CDK15: variants seen among roughly 807,000 people sequenced by gnomAD.
CDK15 encodes the protein cyclin dependent kinase 15.
CDK15 carries 62 observed loss-of-function variants against 60.3 expected under a neutral mutation model. The ratio of observed to expected loss-of-function variants is 1.03; its 90% confidence interval spans 0.84 to 1.27. CDK15 has a LOEUF of 1.27. Ranked by LOEUF, CDK15 falls within the 50% of genes most tolerant of loss-of-function variation. The pLI, the probability that CDK15 is intolerant of heterozygous loss-of-function variation, is 0.00. For synonymous variants in CDK15, 194 were observed against 195.7 expected, an observed-to-expected ratio of 0.99 and a Z score of 0.07; for missense variants, 541 against 527.8, an observed-to-expected ratio of 1.03 and a Z score of -0.25.
chr2:201,867,462 G>GA (rs1244066542), intron 10 of CDK15, among the ~76,000 whole-genome samples: 3 of 152,094 alleles, frequency 2.0e-5, no homozygotes, highest in African/African-American at 7.2e-5. Context: ...CATCTCTACA[G>GA]AAAATTTTAA....
intron 8 of CDK15, among the ~76,000 whole-genome samples, chr2:201,844,784 C>T (rs906360976): frequency 6.6e-6 from 1 of 151,608 alleles, no homozygotes; most frequent in African/African-American, 2.4e-5. Flanking sequence ...AGTGAGATCC[C>T]ATCTCTATTA....
intron 11 of CDK15, among the ~76,000 whole-genome samples, chr2:201,873,524 G>A (rs1698944377): frequency 4.7e-5 from 7 of 150,482 alleles, no homozygotes; most frequent in Admixed American, 4.6e-4. Context: ...AATACTCCAT[G>A]CTGCTGCTGC....
rs1451626749 is a variant in CDK15 at position 201,854,929 on chromosome 2, A to G, written c.1001A>G (p.Tyr334Cys). ...TWPGVSKLPNYNPEWFPLPTP... is the reference protein window; with the variant it reads ...TWPGVSKLPNCNPEWFPLPTP... ...CCGGGAGTCTCCAAGCTACCTAACT[A>G]CAATCCAGGTAATATTGATCTGAGC... The change falls in exon 10 of 14, where the codon TAC (tyrosine) becomes TGC (cysteine). Residue 334 changes from tyrosine to cysteine, a missense_variant. Tyr to Cys is a radical substitution (Grantham distance 194). Transcript: ENST00000652192. 2 of 1,613,898 alleles carry G rather than the reference A, an allele frequency of 1.2e-6. No homozygotes were observed. The highest frequency in any genetic ancestry group is 1.3e-5 in the African/African-American group (1 of 75,042).
At chr2:201,818,519 A>G (rs1696084743) in intron 4 of CDK15, among the ~76,000 whole-genome samples, 1 of 152,198 alleles carries the variant, frequency 6.6e-6, no homozygotes, top group African/African-American at 2.4e-5. Context: ...AAATGTCCTT[A>G]AAATTAGAAG....
At chr2:201,859,274 A>C (rs1698282333) in intron 10 of CDK15, among the ~76,000 whole-genome samples, 1 of 152,188 alleles carries the variant, frequency 6.6e-6, no homozygotes. Flanking sequence ...ACTTAGAGCA[A>C]ATTGAATGTT....
At chr2:201,874,243 G>A (rs1314573489) in intron 11 of CDK15, among the ~76,000 whole-genome samples, 1 of 152,148 alleles carries the variant, frequency 6.6e-6, no homozygotes, top group Non-Finnish European at 1.5e-5. Context: ...CCACATTGGA[G>A]TAGTGACTAT....
chr2:201,866,790 A>G (rs375469084), intron 10 of CDK15, among the ~76,000 whole-genome samples: 14 of 152,286 alleles, frequency 9.2e-5, no homozygotes, highest in East Asian at 3.9e-4. Flanking sequence ...GGAAAAATCA[A>G]TGGGAGAGAG....
At chr2:201,835,570 A>AGATG in intron 7 of CDK15, 73 bp from the exon 8 acceptor site, 19 of 1,400,066 alleles carry the variant, frequency 1.4e-5, no homozygotes, top group Non-Finnish European at 1.7e-5. Context: ...AATGGTGTTT[A>AGATG]CCCTGGTCCA....
chr2:201,835,072 C>G (rs539647363), intron 7 of CDK15, among the ~76,000 whole-genome samples: 1 of 152,166 alleles, frequency 6.6e-6, no homozygotes, highest in Admixed American at 6.5e-5. Context: ...AGTGCCAAAA[C>G]GGAAGGTGGC....
At chr2:201,836,075 T>A (rs1559126223) in intron 8 of CDK15, among the ~76,000 whole-genome samples, 1 of 6,732 alleles carries the variant, frequency 1.5e-4, no homozygotes, top group South Asian at 9.1e-3. Context: ...TATTTATATT[T>A]ATATATATTT....
At chr2:201,857,435 G>T (rs535634912) in intron 10 of CDK15, among the ~76,000 whole-genome samples, 1 of 151,846 alleles carries the variant, frequency 6.6e-6, no homozygotes, top group South Asian at 2.1e-4. Flanking sequence ...AAATTTTCAG[G>T]TACCTACTAT....
chr2:201,856,031 T>A (rs577117159), intron 10 of CDK15, among the ~76,000 whole-genome samples: 1 of 152,264 alleles, frequency 6.6e-6, no homozygotes, highest in South Asian at 2.1e-4. Context: ...TTTCACCATG[T>A]TGGCCAGGCT....
intron 8 of CDK15, among the ~76,000 whole-genome samples, chr2:201,846,058 A>G (rs1017140653): frequency 2.6e-5 from 4 of 152,130 alleles, no homozygotes; most frequent in Non-Finnish European, 5.9e-5. Flanking sequence ...TCACTGTTTA[A>G]TCTATTTAAA....
chr2:201,813,545 T>A (rs569987759), intron 4 of CDK15, among the ~76,000 whole-genome samples: 1 of 152,336 alleles, frequency 6.6e-6, no homozygotes, highest in Admixed American at 6.5e-5. Flanking sequence ...TGCTGCTGGA[T>A]GCTGTGAAGG....
At chr2:201,873,662 T>C (rs1698949889) in intron 11 of CDK15, among the ~76,000 whole-genome samples, 1 of 152,220 alleles carries the variant, frequency 6.6e-6, no homozygotes, top group Non-Finnish European at 1.5e-5. Context: ...TCTGACGATA[T>C]AGCACCCATG....
At chr2:201,855,749 C>T (rs192325124) in intron 10 of CDK15, among the ~76,000 whole-genome samples, 1 of 152,064 alleles carries the variant, frequency 6.6e-6, no homozygotes, top group East Asian at 1.9e-4. Context: ...ATGCTCCAAG[C>T]CAGATTTTTC....
chr2:201,845,589 T>TAAAA (rs35345906), intron 8 of CDK15, among the ~76,000 whole-genome samples: 1 of 101,460 alleles, frequency 9.9e-6, no homozygotes, highest in Non-Finnish European at 2.0e-5. Context: ...CCATCTGTAT[T>TAAAA]AAAAAAAAAA....
At position 201,833,834 on chromosome 2, in the gene CDK15, T is replaced by C. The variant is rs368320214; in HGVS notation, c.607-14T>C. On this transcript the variant is annotated splice_polypyrimidine_tract_variant and intron_variant, in intron 6 of 13. Coordinates refer to ENST00000652192, the MANE Select transcript of CDK15 (RefSeq NM_001366386.2). Reference sequence around the variant, plus strand: ...GGCTCAAATCTCCTTATGGATAGTGTTTCTTCCTTCCAGCTTTTCATGTTT... The same window carrying C: ...GGCTCAAATCTCCTTATGGATAGTGCTTCTTCCTTCCAGCTTTTCATGTTT... The C allele has an allele frequency of 6.2e-7, 1 of 1,613,020 alleles. No individual in the cohort carries two copies. Among genetic ancestry groups the C allele is most frequent in the African/African-American group, 1.3e-5 (1 of 74,818 alleles).
intron 6 of CDK15, among the ~76,000 whole-genome samples, chr2:201,832,072 G>A (rs1696778809): frequency 6.7e-6 from 1 of 148,860 alleles, no homozygotes; most frequent in Non-Finnish European, 1.5e-5. Context: ...TTGAGATGGA[G>A]TCTTGCTCTG....
Sources: gnomAD v4.1 joint callset for allele counts (sites outside exome capture counted in the v4.1 genomes callset) on GRCh38, gnomAD v4.1.1 for gene constraint, MANE v1.5 for transcripts, NCBI Gene and HGNC (gene_info 2026-07-23, HGNC 2026-07-21) for gene names.